DNAJB1: variants seen among roughly 807,000 people sequenced by gnomAD.
DNAJB1 encodes the protein dnaJ homolog subfamily B member 1.
A neutral mutation model predicts 24.0 loss-of-function variants in DNAJB1; 14 were observed. The ratio of observed to expected loss-of-function variants is 0.58; its 90% CI spans 0.39 to 0.91. DNAJB1 has a LOEUF of 0.91. Ranked by LOEUF, DNAJB1 falls within the 40% of genes least tolerant of loss-of-function variation. DNAJB1 has a pLI of 0.00. For missense variants in DNAJB1, 517 were observed against 458.1 expected (o/e 1.13, Z -1.17); for synonymous variants, 262 against 174.4 (o/e 1.50, Z -3.96).
At chr19:14,517,261 G>T in intron 1 of DNAJB1, 1 of 556,924 alleles carries the variant, frequency 1.8e-6, no homozygotes, top group Non-Finnish European at 3.2e-6. Context: ...AGTGGAAAAG[G>T]ACTCATGCGG....
rs565664769 is a variant in DNAJB1, at chr19:14,545,264, G to A, written c.-214+4944C>T. ...TAAAATTTACTCTGTTCCAGCCTCCGGGTGTCACCCGCTTCCCCAAAGCTC... is the reference window on the plus strand; with the variant it reads ...TAAAATTTACTCTGTTCCAGCCTCCAGGTGTCACCCGCTTCCCCAAAGCTC... On this transcript the variant is annotated intron_variant, in intron 1 of 3. Coordinates refer to the DNAJB1 transcript ENST00000676982. 113 of 453,866 alleles carry A rather than the reference G, an allele frequency of 2.5e-4. 1 individual carries two copies. The highest frequency in any genetic ancestry group is 1.7e-3 in the South Asian group (110 of 64,358). 28.1% of individuals were successfully genotyped at this position (453,866 alleles called of 1,614,324 possible).
At chr19:14,555,476 C>T (rs550989346) in intron 1 of DNAJB1, among the ~76,000 whole-genome samples, 18 of 114,972 alleles carry the variant, frequency 1.6e-4, no homozygotes, top group Non-Finnish European at 2.6e-4. Context: ...GACAGAGCCT[C>T]ACTCTATTGC....
At chr19:14,528,257 T>C (rs1475118693) in intron 1 of DNAJB1, among the ~76,000 whole-genome samples, 1 of 150,470 alleles carries the variant, frequency 6.6e-6, no homozygotes, top group Non-Finnish European at 1.5e-5. Context: ...TTTTTCTTTT[T>C]TTTTTTTTGA....
At chr19:14,539,600 C>T (rs2073026167) in intron 1 of DNAJB1, among the ~76,000 whole-genome samples, 1 of 152,096 alleles carries the variant, frequency 6.6e-6, no homozygotes, top group Admixed American at 6.6e-5. Context: ...AGAGGCTTGT[C>T]ATCTGTCCCC....
Position 14,515,920 on chromosome 19 carries a change from T to C in DNAJB1, c.*20A>G, listed in dbSNP as rs1156539276. On this transcript the variant is annotated 3_prime_UTR_variant, in exon 3 of 3. Coordinates refer to ENST00000254322, the MANE Select transcript of DNAJB1 (RefSeq NM_006145.3). ...GAGCTCTGGAAAGGTCCCTGGTCAG[T>C]CCTTGGGGAGCTCAGATAGCTATAT... 1.2e-6 allele frequency: 2 copies of C among 1,606,290 alleles called. No homozygotes were observed. The highest frequency in any genetic ancestry group is 1.7e-6 in the Non-Finnish European group (2 of 1,177,586).
rs1474079497 is a variant in DNAJB1, at chr19:14,515,702, G to A, written c.*238C>T. 6.3e-6 allele frequency: 3 copies of A among 478,996 alleles called. No homozygotes were observed. The highest frequency in any genetic ancestry group is 1.1e-5 in the Non-Finnish European group (3 of 272,914). The allele number at this position is 478,996 out of a possible 1,614,324, so 29.7% of individuals were successfully genotyped here. On this transcript the variant is annotated 3_prime_UTR_variant, in exon 3 of 3. Transcript: ENST00000254322. ...CCGGGAGGGCTGCCAGACCCAGTGG[G>A]GCAGACTGGAATGCCTTTTCCTGCT...
At chr19:14,541,964 G>A (rs766461097) in intron 1 of DNAJB1, among the ~76,000 whole-genome samples, 1 of 151,934 alleles carries the variant, frequency 6.6e-6, no homozygotes, top group Non-Finnish European at 1.5e-5. Flanking sequence ...TTTTGTATGT[G>A]TAGTAGACCG....
intron 1 of DNAJB1, 86 bp downstream of exon 1, chr19:14,518,053 C>T (rs1028460816): frequency 4.5e-6 from 6 of 1,333,652 alleles, no homozygotes; most frequent in Non-Finnish European, 5.8e-6. Context: ...GGCGTCCTTC[C>T]CGGGGGGCCG....
At chr19:14,518,065 C>T (rs1485291169) in intron 1 of DNAJB1, 74 bp downstream of exon 1, 19 of 1,341,096 alleles carry the variant, frequency 1.4e-5, no homozygotes, top group Non-Finnish European at 1.8e-5. Context: ...GGGGGGCCGC[C>T]GAGAGGGGCC....
upstream of DNAJB1, chr19:14,529,620 C>G (rs201564572): frequency 5.2e-5 from 84 of 1,608,122 alleles, no homozygotes; most frequent in Non-Finnish European, 6.8e-5. Context: ...CGGTTGCGAG[C>G]GCTGTAGGGA....
chr19:14,524,410 C>T (rs1290123698), intron 2 of DNAJB1, among the ~76,000 whole-genome samples: 1 of 151,900 alleles, frequency 6.6e-6, no homozygotes, highest in Non-Finnish European at 1.5e-5. Context: ...CACGTGCCAG[C>T]TACTTGGGAG....
chr19:14,536,168 G>T (rs959215790), intron 1 of DNAJB1, among the ~76,000 whole-genome samples: 1 of 152,134 alleles, frequency 6.6e-6, no homozygotes, highest in African/African-American at 2.4e-5. Flanking sequence ...TGGGAAGGTG[G>T]CAATGCTTAC....
At chr19:14,523,660 C>T (rs1182368428) in intron 2 of DNAJB1, among the ~76,000 whole-genome samples, 1 of 151,082 alleles carries the variant, frequency 6.6e-6, no homozygotes, top group Non-Finnish European at 1.5e-5. Context: ...CACTGTCACC[C>T]ATGCTGGAGC....
intron 1 of DNAJB1, among the ~76,000 whole-genome samples, chr19:14,542,347 G>GGGTTTTT (rs2073124658): frequency 1.2e-4 from 5 of 43,280 alleles, no homozygotes; most frequent in African/African-American, 4.1e-4. Flanking sequence ...ATGCCATAGT[G>GGGTTTTT]TTTTTTTTTT....
chr19:14,539,622 G>T (rs1328139044), intron 1 of DNAJB1, among the ~76,000 whole-genome samples: 1 of 152,018 alleles, frequency 6.6e-6, no homozygotes, highest in African/African-American at 2.4e-5. Flanking sequence ...GCTTTCCTCA[G>T]TTGTTACTAT....
At chr19:14,549,241 T>A (rs138943940) in intron 1 of DNAJB1, among the ~76,000 whole-genome samples, 2,022 of 132,176 alleles carry the variant, frequency 0.015, 25 homozygotes, top group Non-Finnish European at 0.024. Flanking sequence ...TGAGATGGAG[T>A]CTCACTCTGT....
At chr19:14,518,446 A>C (rs982253412), upstream of DNAJB1, 4 of 1,025,628 alleles carry the variant, frequency 3.9e-6, no homozygotes, top group African/African-American at 3.4e-5. Context: ...GGAAGCTTCC[A>C]GAGCCCGCCA....
chr19:14,539,036 C>G (rs1483047109), intron 1 of DNAJB1, among the ~76,000 whole-genome samples: 1 of 148,146 alleles, frequency 6.8e-6, no homozygotes, highest in Admixed American at 6.8e-5. Context: ...TTCAGTGGCT[C>G]CATCTCGGCT....
At chr19:14,548,818 G>A (rs1323864354) in intron 1 of DNAJB1, among the ~76,000 whole-genome samples, 1 of 151,842 alleles carries the variant, frequency 6.6e-6, no homozygotes, top group Non-Finnish European at 1.5e-5. Context: ...CAAGTGATCT[G>A]CTCACTTTGG....
Sources: allele counts gnomAD v4.1 joint callset (sites outside exome capture counted in the v4.1 genomes callset), GRCh38; gene constraint gnomAD v4.1.1; transcripts MANE v1.5; gene names NCBI Gene and HGNC (gene_info 2026-07-23, HGNC 2026-07-21).